The following MORF4L1 variants were observed in gnomAD, a reference collection of about 807,000 sequenced individuals.
The protein encoded by MORF4L1 is mortality factor 4-like protein 1.
In MORF4L1, 4 loss-of-function variants were observed where a neutral mutation model predicts 52.9. That is an observed-to-expected ratio of 0.08 (90% confidence interval 0.04 to 0.17). The LOEUF (loss-of-function observed/expected upper bound fraction) is 0.17, where lower values mean the gene tolerates loss of function less well. Ranked by LOEUF, MORF4L1 falls within the 10% of genes least tolerant of loss-of-function variation. The pLI is 1.00. For missense variants in MORF4L1, 214 were observed against 390.4 expected (o/e 0.55, Z 3.81); for synonymous variants, 123 against 134.8 (o/e 0.91, Z 0.61).
intron 1 of MORF4L1, among the ~76,000 whole-genome samples, chr15:78,876,302 A>ATTAT (rs1312030299): frequency 6.6e-6 from 1 of 152,140 alleles, no homozygotes; most frequent in East Asian, 1.9e-4. Flanking sequence ...AACTTATAAA[A>ATTAT]AAGTTTTTTT....
chr15:78,893,441 C>A, intron 8 of MORF4L1, 98 bp from the exon 9 acceptor site: 1 of 781,612 alleles, frequency 1.3e-6, no homozygotes, highest in South Asian at 1.5e-5. Flanking sequence ...ATTTGAAATA[C>A]TGTTACTGTT....
chr15:78,873,112 G>C, intron 1 of MORF4L1, 55 bp downstream of exon 1: 1 of 1,546,272 alleles, frequency 6.5e-7, no homozygotes, highest in African/African-American at 1.4e-5. Context: ...ATAGAGGCGG[G>C]CTCGAGGTGA....
At chr15:78,896,102 C>T (rs545116501) in intron 11 of MORF4L1, among the ~76,000 whole-genome samples, 14 of 152,184 alleles carry the variant, frequency 9.2e-5, no homozygotes, top group African/African-American at 2.9e-4. Flanking sequence ...CCTCAGCCTC[C>T]CAAGTAGCTG....
At chr15:78,873,989 A>G (rs750383340) in intron 1 of MORF4L1, 1 of 152,252 alleles carries the variant, frequency 6.6e-6, no homozygotes, top group Non-Finnish European at 1.5e-5. Context: ...GTGTTTAACA[A>G]TGACTTGAAA....
At chr15:78,875,368 C>T (rs1253567398) in intron 1 of MORF4L1, among the ~76,000 whole-genome samples, 1 of 152,112 alleles carries the variant, frequency 6.6e-6, no homozygotes, top group Non-Finnish European at 1.5e-5. Flanking sequence ...CAAGGTATCC[C>T]CAGGTAAGGG....
intron 3 of MORF4L1, among the ~76,000 whole-genome samples, chr15:78,884,770 A>C (rs986402244): frequency 3.9e-5 from 6 of 152,086 alleles, no homozygotes; most frequent in Non-Finnish European, 2.9e-5. Context: ...TTAATCCCTA[A>C]ATTGGAATTC....
At chr15:78,888,450 G>GA (rs200295595) in intron 5 of MORF4L1, among the ~76,000 whole-genome samples, 2,307 of 136,372 alleles carry the variant, frequency 0.017, 94 homozygotes, top group African/African-American at 0.056. Flanking sequence ...CTTTTAAAAA[G>GA]AAAAAAAAAA....
rs1414898927 is a variant in MORF4L1 at position 78,885,131 on chromosome 15, G to T, written c.156-1010G>T. On this transcript the variant is annotated intron_variant, in intron 3 of 11. Transcript: ENST00000426013. ...TCTCTAGGAAATCATGTTCAGGATT[G>T]CTTTTTATTATTTTCCTCTTGGCTG... 5 of 1,408,568 alleles carry T rather than the reference G, an allele frequency of 3.5e-6. No individual in the cohort carries two copies. In the East Asian group the frequency reaches 9.2e-5, roughly 26 times the overall value. The allele number at this position is 1,408,568 out of a possible 1,614,324, so 87.3% of individuals were successfully genotyped here.
At chr15:78,893,981 C>T in intron 9 of MORF4L1, 77 bp from the exon 10 acceptor site, 2 of 1,376,870 alleles carry the variant, frequency 1.5e-6, no homozygotes, top group Non-Finnish European at 2.0e-6. Context: ...GCTTTTAATT[C>T]TTTAAATTGG....
At chr15:78,881,956 T>A (rs1318469000) in intron 3 of MORF4L1, among the ~76,000 whole-genome samples, 3 of 152,230 alleles carry the variant, frequency 2.0e-5, no homozygotes, top group African/African-American at 7.2e-5. Context: ...TGGTCTTGTT[T>A]CATCTAGTAC....
At chr15:78,889,207 T>C (rs1291364575) in intron 5 of MORF4L1, among the ~76,000 whole-genome samples, 1 of 152,210 alleles carries the variant, frequency 6.6e-6, no homozygotes, top group African/African-American at 2.4e-5. Flanking sequence ...AACTGGCTTC[T>C]GAGTCTTTTG....
chr15:78,894,585 T>C, intron 10 of MORF4L1: 1 of 476,056 alleles, frequency 2.1e-6, no homozygotes, highest in South Asian at 2.6e-5. Context: ...ATTTTTGTAT[T>C]TTCTGTAGAG....
intron 11 of MORF4L1, among the ~76,000 whole-genome samples, chr15:78,895,211 AAAATT>A (rs1471544319): frequency 1.3e-5 from 2 of 152,232 alleles, no homozygotes; most frequent in Non-Finnish European, 2.9e-5. Flanking sequence ...TCTGAAGTTT[AAAATT>A]AAATTGTTAA....
chr15:78,882,124 A>T (rs1416554222), intron 3 of MORF4L1, among the ~76,000 whole-genome samples: 1 of 152,218 alleles, frequency 6.6e-6, no homozygotes, highest in Non-Finnish European at 1.5e-5. Flanking sequence ...GCATCCTGAC[A>T]ACTTGTGGGT....
rs371186914 is a variant in MORF4L1, at chr15:78,892,144, G to C, written c.439-68G>C. 15 of 1,078,246 alleles carry C rather than the reference G, an allele frequency of 1.4e-5. No homozygotes were observed. In the East Asian group the frequency reaches 2.4e-4, roughly 17 times the overall value. 66.8% of individuals were successfully genotyped at this position (1,078,246 alleles called of 1,614,324 possible). A position where few individuals can be genotyped will look rare whatever the true frequency, so the allele number is the denominator to read the frequency against. On this transcript the variant is annotated intron_variant, in intron 7 of 11. Coordinates refer to ENST00000426013, the MANE Select transcript of MORF4L1 (RefSeq NM_006791.4). ...TTATCCCTAGTGCCTCTAAAAGTCAGCTCCCCTCCATGTTTGGTATTTAGC... is the reference window on the plus strand; with the variant it reads ...TTATCCCTAGTGCCTCTAAAAGTCACCTCCCCTCCATGTTTGGTATTTAGC...
Position 78,893,564 on chromosome 15 carries a change from A to G in MORF4L1, c.566A>G (p.Asn189Ser), listed in dbSNP as rs761575018. 25 of 1,606,316 alleles carry G rather than the reference A, an allele frequency of 1.6e-5. No individual in the cohort carries two copies. The highest frequency in any genetic ancestry group is 2.1e-5 in the Non-Finnish European group (25 of 1,173,938). The change falls in exon 9 of 12, where the codon AAT becomes AGT. Residue 189 changes from asparagine (N) to serine (S), a missense_variant. By Grantham distance (46) the Asn-to-Ser change is conservative (BLOSUM62 1). Coordinates refer to ENST00000426013, the MANE Select transcript of MORF4L1 (RefSeq NM_006791.4). ...CTCTTTTATCTTCCTGCCAAGAAGA[A>G]TGTGGATTCCATTCTTGAGGATTAT... ...KQLFYLPAKK[N>S]VDSILEDYAN...
At chr15:78,890,934 A>T (rs2056790413) in intron 5 of MORF4L1, 55 bp from the exon 6 acceptor site, 3 of 1,367,524 alleles carry the variant, frequency 2.2e-6, no homozygotes, top group Admixed American at 3.0e-5. Flanking sequence ...AGGGAGTTGA[A>T]ACAGAGGCAG....
chr15:78,897,471 C>T lies in MORF4L1; in HGVS notation c.*404C>T, dbSNP rs1218966053. Reference sequence around the variant, plus strand: ...TTCAGTGTATATAACTGAACACACTCATCCATTTGTGCTTTTGTTTTTTTT... The same window carrying T: ...TTCAGTGTATATAACTGAACACACTTATCCATTTGTGCTTTTGTTTTTTTT... On this transcript the variant is annotated 3_prime_UTR_variant, in exon 12 of 12. Transcript: ENST00000426013. 1 of 155,202 alleles carries T rather than the reference C, an allele frequency of 6.4e-6. No homozygotes were observed. Among genetic ancestry groups the T allele is most frequent in the East Asian group, 1.9e-4 (1 of 5,332 alleles). 9.6% of individuals were successfully genotyped at this position (155,202 alleles called of 1,614,324 possible).
chr15:78,887,563 A>C (rs1411097545), intron 5 of MORF4L1: 1 of 408,428 alleles, frequency 2.4e-6, no homozygotes, highest in Admixed American at 4.3e-5. Context: ...TTGTGTGTAT[A>C]AATATATGTG....
Sources: gnomAD v4.1 joint callset for allele counts (sites outside exome capture counted in the v4.1 genomes callset) on GRCh38, gnomAD v4.1.1 for gene constraint, MANE v1.5 for transcripts, NCBI Gene and HGNC (gene_info 2026-07-23, HGNC 2026-07-21) for gene names.